Variants in FIG4 observed in about 807,000 individuals in gnomAD.
FIG4 encodes the protein polyphosphoinositide phosphatase.
Under a neutral mutation model 118.6 loss-of-function variants are expected in FIG4, and 112 were observed. That is an observed-to-expected ratio of 0.94 (90% confidence interval 0.81 to 1.11). The LOEUF is 1.11. Among genes scored for constraint, FIG4 ranks in the 50% least tolerant of loss-of-function variants. The pLI, the probability that FIG4 is intolerant of heterozygous loss-of-function variation, is 0.00. For synonymous variants in FIG4, 369 were observed against 381.2 expected (o/e 0.97, Z 0.37); for missense variants, 969 against 1,111.7 (o/e 0.87, Z 1.83).
chr6:109,781,989 T>C (rs901756772), intron 16 of FIG4, among the ~76,000 whole-genome samples: 2 of 152,094 alleles, frequency 1.3e-5, no homozygotes, highest in African/African-American at 4.8e-5. Flanking sequence ...TGTTCACAAA[T>C]ATTGATTGCT....
chr6:109,697,317 A>G (rs1471212540), intron 1 of FIG4, among the ~76,000 whole-genome samples: 6 of 151,288 alleles, frequency 4.0e-5, no homozygotes, highest in Non-Finnish European at 8.8e-5. Flanking sequence ...GGATTTTGGG[A>G]GTGACTTAGC....
intron 22 of FIG4, among the ~76,000 whole-genome samples, chr6:109,808,298 G>A (rs1375081198): frequency 7.3e-6 from 1 of 137,762 alleles, no homozygotes; most frequent in Admixed American, 8.0e-5. Flanking sequence ...CAAGGCAGTG[G>A]CACCAAAGTA....
chr6:109,756,779 A>G (rs1036538559), intron 10 of FIG4, among the ~76,000 whole-genome samples: 1 of 152,148 alleles, frequency 6.6e-6, no homozygotes, highest in African/African-American at 2.4e-5. Flanking sequence ...CTTGGCTTTC[A>G]GCTCCATCAG....
At chr6:109,794,415 G>A (rs1562688449) in intron 21 of FIG4, among the ~76,000 whole-genome samples, 1 of 152,158 alleles carries the variant, frequency 6.6e-6, no homozygotes, top group Non-Finnish European at 1.5e-5. Flanking sequence ...GAGAAACGGG[G>A]CTGATCATTC....
chr6:109,813,813 C>A (rs1168026943), intron 22 of FIG4, among the ~76,000 whole-genome samples: 1 of 152,074 alleles, frequency 6.6e-6, no homozygotes, highest in Non-Finnish European at 1.5e-5. Flanking sequence ...ATGGATAGGC[C>A]CATAAGGAAC....
chr6:109,715,953 G>A (rs547888410), intron 2 of FIG4, among the ~76,000 whole-genome samples: 4 of 152,136 alleles, frequency 2.6e-5, no homozygotes, highest in Middle Eastern at 3.4e-3. Context: ...TCTTTGTTAC[G>A]ATTTCCCATG....
intron 22 of FIG4, among the ~76,000 whole-genome samples, chr6:109,802,446 A>G (rs1359739944): frequency 6.6e-6 from 1 of 152,226 alleles, no homozygotes; most frequent in Non-Finnish European, 1.5e-5. Flanking sequence ...AGTGAAATGA[A>G]ATAGCACTGA....
chr6:109,761,154 A>G (rs1210394459), intron 11 of FIG4, among the ~76,000 whole-genome samples: 2 of 152,192 alleles, frequency 1.3e-5, no homozygotes, highest in East Asian at 1.9e-4. Context: ...TTCTCAGAGT[A>G]TAAGTTTGTT....
chr6:109,809,897 C>T (rs780946905), intron 22 of FIG4, among the ~76,000 whole-genome samples: 4 of 152,256 alleles, frequency 2.6e-5, no homozygotes, highest in African/African-American at 4.8e-5. Flanking sequence ...TCAGGGGCTT[C>T]GTGTGATCAT....
intron 3 of FIG4, among the ~76,000 whole-genome samples, chr6:109,719,936 C>G (rs1775556120): frequency 6.6e-6 from 1 of 152,136 alleles, no homozygotes; most frequent in African/African-American, 2.4e-5. Flanking sequence ...AGTTTGTAAC[C>G]AGACGTTTAA....
At chr6:109,734,478 A>G (rs1776103262) in intron 5 of FIG4, among the ~76,000 whole-genome samples, 2 of 149,706 alleles carry the variant, frequency 1.3e-5, no homozygotes, top group South Asian at 4.2e-4. Flanking sequence ...AATATAGAGT[A>G]TAAATATATT....
chr6:109,691,606 C>G, intron 1 of FIG4, 105 bp downstream of exon 1: 1 of 1,033,640 alleles, frequency 9.7e-7, no homozygotes, highest in South Asian at 1.4e-5. Context: ...TCCTTCCTCT[C>G]CAGTTCCCAA....
intron 1 of FIG4, among the ~76,000 whole-genome samples, chr6:109,709,527 C>T (rs1775192113): frequency 6.6e-6 from 1 of 152,200 alleles, no homozygotes; most frequent in South Asian, 2.1e-4. Context: ...ATAGGAATAG[C>T]ATCGAATCTG....
At chr6:109,774,137 A>G (rs1349746621) in intron 15 of FIG4, among the ~76,000 whole-genome samples, 1 of 152,204 alleles carries the variant, frequency 6.6e-6, no homozygotes, top group Non-Finnish European at 1.5e-5. Context: ...TAAAGTATAT[A>G]TGTTAATTAT....
rs372334650 is a variant in FIG4 at position 109,741,410 on chromosome 6, A to G, written c.776-34A>G. 133 of 1,327,616 alleles carry G rather than the reference A, an allele frequency of 1.0e-4. 1 individual carries two copies. Among genetic ancestry groups the G allele is most frequent in the Non-Finnish European group, 1.4e-4 (127 of 918,892 alleles). The allele number at this position is 1,327,616 out of a possible 1,614,324, so 82.2% of individuals were successfully genotyped here. On this transcript the variant is annotated intron_variant, in intron 7 of 22. Transcript: ENST00000230124. ...ACTCTCTTGGTCTTATGTGACAGTC[A>G]TGAATGCTAAACAACCTTAACTTGA...
At chr6:109,815,645 G>C (rs1317693180) in intron 22 of FIG4, among the ~76,000 whole-genome samples, 1 of 151,776 alleles carries the variant, frequency 6.6e-6, no homozygotes. Context: ...GGAAGAGCAC[G>C]GCTTTATGAT....
chr6:109,738,594 C>A, intron 7 of FIG4, 141 bp downstream of exon 7: 1 of 758,678 alleles, frequency 1.3e-6, no homozygotes, highest in Admixed American at 2.1e-5. Context: ...TACTATGTAG[C>A]AGAAATACAA....
intron 10 of FIG4, among the ~76,000 whole-genome samples, chr6:109,750,839 T>C (rs1406734025): frequency 1.3e-5 from 2 of 152,124 alleles, no homozygotes; most frequent in African/African-American, 4.8e-5. Flanking sequence ...TCCCACGAAA[T>C]GTCAGATTTG....
rs139883593 is a variant in FIG4 at position 109,796,616 on chromosome 6, A to G, written c.2460-149A>G. 170 of 675,238 alleles carry G rather than the reference A, an allele frequency of 2.5e-4. No homozygotes were observed. In the African/African-American group the frequency reaches 2.6e-3, roughly 10 times the overall value. The allele number at this position is 675,238 out of a possible 1,614,324, so 41.8% of individuals were successfully genotyped here. A position where few individuals can be genotyped will look rare whatever the true frequency, so the allele number is the denominator to read the frequency against. On this transcript the variant is annotated intron_variant, in intron 21 of 22. Transcript: ENST00000230124. ...AACAAGCCCACTTTAAAATCAGGCAAAGTCTTATGTTACATACAGTACTCT... is the reference window on the plus strand; with the variant it reads ...AACAAGCCCACTTTAAAATCAGGCAGAGTCTTATGTTACATACAGTACTCT...
Sources: gnomAD v4.1 joint callset for allele counts (sites outside exome capture counted in the v4.1 genomes callset) on GRCh38, gnomAD v4.1.1 for gene constraint, MANE v1.5 for transcripts, NCBI Gene and HGNC (gene_info 2026-07-23, HGNC 2026-07-21) for gene names.